The following NEBL variants were observed in gnomAD, a reference collection of about 807,000 sequenced individuals.
The protein encoded by NEBL is LIM and SH3 protein 2.
A neutral mutation model predicts 140.2 loss-of-function variants in NEBL; 122 were observed. That is an observed-to-expected ratio of 0.87 (90% CI 0.75 to 1.01). The LOEUF is 1.01. NEBL is among the 50% of genes least tolerant of loss of function. The pLI is 0.00. For missense variants in NEBL, 1,365 were observed against 1,231.3 expected (o/e 1.11, Z -1.62); for synonymous variants, 436 against 398.9 (o/e 1.09, Z -1.11).
chr10:20,922,388 G>A (rs982046627), intron 4 of NEBL, among the ~76,000 whole-genome samples: 9 of 152,046 alleles, frequency 5.9e-5, no homozygotes, highest in African/African-American at 2.2e-4. Flanking sequence ...CCATTTATCC[G>A]GGATGTGTAC....
chr10:21,065,712 C>G (rs940119961), intron 2 of NEBL, among the ~76,000 whole-genome samples: 1 of 152,184 alleles, frequency 6.6e-6, no homozygotes, highest in African/African-American at 2.4e-5. Flanking sequence ...AGCTGCCACT[C>G]TATATTAGTC....
intron 4 of NEBL, among the ~76,000 whole-genome samples, chr10:20,917,553 A>C (rs905255997): frequency 1.3e-5 from 2 of 152,214 alleles, no homozygotes; most frequent in African/African-American, 2.4e-5. Flanking sequence ...ATTACTATGC[A>C]TCACGTACCT....
At chr10:21,011,210 A>AG (rs1838325649) in intron 3 of NEBL, among the ~76,000 whole-genome samples, 1 of 152,094 alleles carries the variant, frequency 6.6e-6, no homozygotes, top group Admixed American at 6.6e-5. Flanking sequence ...TGGCAGGGAC[A>AG]GGGGGAGAGC....
intron 3 of NEBL, among the ~76,000 whole-genome samples, chr10:20,888,433 A>G (rs1397504247): frequency 1.3e-5 from 2 of 152,268 alleles, no homozygotes; most frequent in African/African-American, 2.4e-5. Context: ...ATGCAAGGAC[A>G]TAATGGCTTT....
intron 3 of NEBL, among the ~76,000 whole-genome samples, chr10:20,984,175 A>T (rs193275094): frequency 7.2e-5 from 11 of 152,090 alleles, no homozygotes. Context: ...TATTAAAAAC[A>T]GGTACACCAA....
chr10:21,270,128 T>C (rs1010778954), intron 1 of NEBL, among the ~76,000 whole-genome samples: 2 of 152,224 alleles, frequency 1.3e-5, no homozygotes, highest in African/African-American at 4.8e-5. Flanking sequence ...GGAATTCCAC[T>C]GAATGGTGGC....
chr10:21,024,867 A>AG (rs1564483937), intron 2 of NEBL, among the ~76,000 whole-genome samples: 1 of 152,198 alleles, frequency 6.6e-6, no homozygotes, highest in African/African-American at 2.4e-5. Flanking sequence ...AAATAAACTG[A>AG]GGGGCTGGTG....
chr10:21,213,173 G>A (rs750074824), intron 3 of NEBL, among the ~76,000 whole-genome samples: 1 of 152,170 alleles, frequency 6.6e-6, no homozygotes, highest in Non-Finnish European at 1.5e-5. Flanking sequence ...TGCCATTTCT[G>A]TTTACTCACT....
intron 3 of NEBL, among the ~76,000 whole-genome samples, chr10:21,238,293 T>A (rs1055014206): frequency 6.6e-6 from 1 of 152,234 alleles, no homozygotes; most frequent in Non-Finnish European, 1.5e-5. Flanking sequence ...ACAATTATCA[T>A]GTAACAATGT....
chr10:20,843,448 A>G (rs1481283930), intron 12 of NEBL, among the ~76,000 whole-genome samples: 1 of 152,142 alleles, frequency 6.6e-6, no homozygotes, highest in Non-Finnish European at 1.5e-5. Context: ...AAACAGGAAT[A>G]AAAGAAAAAG....
Position 20,812,878 on chromosome 10 carries a change from A to T in NEBL, c.2409T>A (p.Asp803Glu). The T allele has an allele frequency of 6.2e-7, 1 of 1,614,028 alleles. No individual in the cohort carries two copies. ...KGRGFTPVVD[D>E]PVTERVRKNT... Reference sequence around the variant, plus strand: ...TCTTCCTCACTCTCTCTGTCACAGGATCGTCCACGACGGGAGTAAAGCCTC... The same window carrying T: ...TCTTCCTCACTCTCTCTGTCACAGGTTCGTCCACGACGGGAGTAAAGCCTC... Residue 803 changes from aspartate (D) to glutamate (E), a missense_variant, in exon 24 of 28, where the codon GAT becomes GAA. Asp to Glu is a conservative substitution (Grantham distance 45). Around this residue, in one of 2 missense-constraint regions of NEBL, gnomAD observed 1,323 missense variants for 1,154.8 expected, o/e 1.15. Transcript: ENST00000377122.
intron 5 of NEBL, among the ~76,000 whole-genome samples, chr10:20,872,337 C>T (rs1296007344): frequency 6.6e-6 from 1 of 152,138 alleles, no homozygotes; most frequent in East Asian, 1.9e-4. Context: ...CAGAAAAAAG[C>T]TTCCGCGCCT....
intron 19 of NEBL, among the ~76,000 whole-genome samples, chr10:20,821,617 C>T (rs1012691006): frequency 1.3e-5 from 2 of 152,128 alleles, no homozygotes; most frequent in Non-Finnish European, 2.9e-5. Context: ...ACTAGTCACC[C>T]TTCTTTTGGA....
At chr10:21,289,153 A>G (rs1312468370) in intron 1 of NEBL, among the ~76,000 whole-genome samples, 2 of 151,954 alleles carry the variant, frequency 1.3e-5, no homozygotes, top group African/African-American at 2.4e-5. Context: ...GGCCCTTTTT[A>G]TATTTTATGA....
intron 19 of NEBL, among the ~76,000 whole-genome samples, chr10:20,821,219 T>A (rs1839282472): frequency 6.6e-6 from 1 of 152,240 alleles, no homozygotes; most frequent in African/African-American, 2.4e-5. Flanking sequence ...TTTGATAGAA[T>A]CTTCACATCT....
chr10:21,279,112 C>G (rs1051118388), intron 1 of NEBL, among the ~76,000 whole-genome samples: 1 of 152,088 alleles, frequency 6.6e-6, no homozygotes, highest in African/African-American at 2.4e-5. Context: ...CTCTACACAT[C>G]ATACCGTCTC....
intron 2 of NEBL, among the ~76,000 whole-genome samples, chr10:20,891,227 A>T (rs914401984): frequency 6.6e-6 from 1 of 152,230 alleles, no homozygotes; most frequent in African/African-American, 2.4e-5. Context: ...TGCCTACCAC[A>T]TTAAACATTT....
intron 2 of NEBL, among the ~76,000 whole-genome samples, chr10:21,022,138 G>T (rs1564483053): frequency 6.6e-6 from 1 of 152,126 alleles, no homozygotes; most frequent in African/African-American, 2.4e-5. Flanking sequence ...GCGCTGAGGA[G>T]ACACCTTTAG....
intron 3 of NEBL, among the ~76,000 whole-genome samples, chr10:20,997,762 A>C (rs1837732220): frequency 6.6e-6 from 1 of 152,140 alleles, no homozygotes; most frequent in Admixed American, 6.5e-5. Context: ...CAATAACTGA[A>C]AACATTAGAT....
Sources: allele counts gnomAD v4.1 joint callset (sites outside exome capture counted in the v4.1 genomes callset), GRCh38; gene constraint gnomAD v4.1.1; regional missense constraint gnomAD v4.1.1; transcripts MANE v1.5; gene names NCBI Gene and HGNC (gene_info 2026-07-23, HGNC 2026-07-21).